The following PPP1R21 variants were observed in gnomAD, a reference collection of about 807,000 sequenced individuals.
PPP1R21 encodes protein phosphatase 1 regulatory subunit 21.
PPP1R21 carries 85 observed loss-of-function variants against 112.8 expected under a neutral mutation model. That is an observed-to-expected ratio of 0.75 (90% CI 0.63 to 0.90). The LOEUF is 0.90. Among genes scored for constraint, PPP1R21 ranks in the 40% least tolerant of loss-of-function variants. The probability of loss-of-function intolerance (pLI) is 0.00; values close to 1 mark genes in which losing one functional copy is unlikely to be tolerated. For synonymous variants in PPP1R21, 381 were observed against 322.3 expected, an observed-to-expected ratio of 1.18 and a Z score of -1.95; for missense variants, 1,199 against 901.5, an observed-to-expected ratio of 1.33 and a Z score of -4.23.
intron 3 of PPP1R21, among the ~76,000 whole-genome samples, chr2:48,456,229 A>G (rs889415509): frequency 1.3e-5 from 2 of 149,244 alleles, no homozygotes; most frequent in Non-Finnish European, 3.0e-5. Context: ...ACTTTTGAAC[A>G]TTGTGATTAA....
intron 16 of PPP1R21, among the ~76,000 whole-genome samples, chr2:48,497,607 A>T (rs1313608615): frequency 6.6e-6 from 1 of 152,044 alleles, no homozygotes; most frequent in African/African-American, 2.4e-5. Flanking sequence ...GTTTTAAATA[A>T]ATGGCAAAAC....
At chr2:48,460,764 A>T (rs1667942534) in intron 6 of PPP1R21, among the ~76,000 whole-genome samples, 2 of 152,206 alleles carry the variant, frequency 1.3e-5, no homozygotes, top group African/African-American at 2.4e-5. Flanking sequence ...GTATGTACTT[A>T]AAAAAAGTCT....
intron 1 of PPP1R21, among the ~76,000 whole-genome samples, chr2:48,449,047 T>C (rs1191939010): frequency 1.3e-5 from 2 of 151,606 alleles, no homozygotes; most frequent in Non-Finnish European, 2.9e-5. Flanking sequence ...AAGCAGGAAA[T>C]ACTAGTATTG....
chr2:48,459,071 G>C (rs138018039), intron 4 of PPP1R21, among the ~76,000 whole-genome samples: 2 of 135,798 alleles, frequency 1.5e-5, no homozygotes, highest in Admixed American at 1.6e-4. Flanking sequence ...TAGCCTGGGC[G>C]ACAGAGTGAG....
chr2:48,497,753 G>A (rs1283722333), intron 16 of PPP1R21, among the ~76,000 whole-genome samples: 7 of 150,616 alleles, frequency 4.6e-5, no homozygotes, highest in Non-Finnish European at 1.0e-4. Flanking sequence ...CTGGGTTCAC[G>A]CCATTCTCCT....
At chr2:48,514,349 G>A (rs1255050212) in intron 21 of PPP1R21, among the ~76,000 whole-genome samples, 1 of 152,152 alleles carries the variant, frequency 6.6e-6, no homozygotes, top group East Asian at 1.9e-4. Flanking sequence ...GCCTCCCAAA[G>A]TGCTGGGGTT....
chr2:48,474,286 G>A (rs1668647627), intron 11 of PPP1R21, among the ~76,000 whole-genome samples: 4 of 152,158 alleles, frequency 2.6e-5, no homozygotes, highest in Admixed American at 6.6e-5. Flanking sequence ...AGGAGGCTGA[G>A]GCACGAGAAT....
intron 20 of PPP1R21, 121 bp from the exon 21 acceptor site, chr2:48,511,219 A>G: frequency 1.0e-6 from 1 of 963,714 alleles, no homozygotes; most frequent in Non-Finnish European, 1.6e-6. Flanking sequence ...TTTGAAATAT[A>G]CAGTAAATTA....
intron 15 of PPP1R21, among the ~76,000 whole-genome samples, chr2:48,493,647 T>C (rs1434940338): frequency 1.3e-5 from 2 of 152,214 alleles, no homozygotes; most frequent in Non-Finnish European, 2.9e-5. Context: ...CCAGAATTTA[T>C]TCTGATATAA....
rs1668138416 is a variant in PPP1R21 at position 48,464,999 on chromosome 2, G to A, written c.747+10G>A. 1 of 1,555,482 alleles carries A rather than the reference G, an allele frequency of 6.4e-7. No individual in the cohort carries two copies. The highest frequency in any genetic ancestry group is 8.6e-7 in the Non-Finnish European group (1 of 1,160,226). On this transcript the variant is annotated intron_variant, in intron 8 of 21. Coordinates refer to ENST00000294952, the MANE Select transcript of PPP1R21 (RefSeq NM_001135629.3). ...CAATAGGAGACACCAGGTAAAGGAT[G>A]AAGTACATGTTTTTATTTTCAGTTA...
Position 48,498,577 on chromosome 2 carries a change from C to G in PPP1R21, c.1777C>G (p.Leu593Val). Residue 593 changes from leucine to valine, a missense_variant, in exon 17 of 22, where the codon CTA becomes GTA. By Grantham distance (32) the Leu-to-Val change is conservative. Coordinates refer to ENST00000294952, the MANE Select transcript of PPP1R21 (RefSeq NM_001135629.3). ...GGAAGCACAATTAGCCAAAATCAAG[C>G]TAGAGAAAGAAAACCAGCGAATTGC... ...MLEAQLAKIKLEKENQRIADK... is the reference protein window; with the variant it reads ...MLEAQLAKIKVEKENQRIADK... 1 of 1,614,166 alleles carries G rather than the reference C, an allele frequency of 6.2e-7. No homozygotes were observed. Among genetic ancestry groups the G allele is most frequent in the Non-Finnish European group, 8.5e-7 (1 of 1,180,018 alleles).
At chr2:48,508,655 G>T (rs1168595750) in intron 19 of PPP1R21, among the ~76,000 whole-genome samples, 1 of 152,206 alleles carries the variant, frequency 6.6e-6, no homozygotes, top group African/African-American at 2.4e-5. Context: ...TAGTGTCTCA[G>T]ACTTGATTGT....
rs1558540739 is a variant in PPP1R21, at chr2:48,515,238, C to CTCTCTCTCTCTCTCTCTCTT, written c.*503_*504insCTCTCTCTCTTTCTCTCTCT. On this transcript the variant is annotated 3_prime_UTR_variant, in exon 22 of 22. Coordinates refer to ENST00000294952, the MANE Select transcript of PPP1R21 (RefSeq NM_001135629.3). ...TATTTCTCTCTCTCTCTCTCTCTCT[C>CTCTCTCTCTCTCTCTCTCTT]TCTCTCTCTTCTTTCTCTCTGAGGG... 2 of 153,450 alleles carry CTCTCTCTCTCTCTCTCTCTT rather than the reference C, an allele frequency of 1.3e-5. No homozygotes were observed. The highest frequency in any genetic ancestry group is 4.8e-5 in the African/African-American group (2 of 41,344). 9.5% of individuals were successfully genotyped at this position (153,450 alleles called of 1,614,324 possible). A position where few individuals can be genotyped will look rare whatever the true frequency, so the allele number is the denominator to read the frequency against.
chr2:48,486,762 A>G lies in PPP1R21; in HGVS notation c.1446+4A>G, dbSNP rs1392045259. ...ATTAACAAATGGAGCAGGAAAGGTA[A>G]TTCTCTTCTGGCGTATATTGATGTT... On this transcript the variant is annotated splice_donor_region_variant and intron_variant, in intron 14 of 21. Transcript: ENST00000294952. 1.9e-6 allele frequency: 3 copies of G among 1,611,442 alleles called. No homozygotes were observed. The highest frequency in any genetic ancestry group is 1.1e-5 in the South Asian group (1 of 90,508).
chr2:48,461,162 T>G lies in PPP1R21; in HGVS notation c.624T>G (p.His208Gln), dbSNP rs1667959930. 1 of 1,580,600 alleles carries G rather than the reference T, an allele frequency of 6.3e-7. No individual in the cohort carries two copies. Among genetic ancestry groups the G allele is most frequent in the Non-Finnish European group, 8.5e-7 (1 of 1,170,314 alleles). ...GTCAATTACAGTTAAAGACTCTTCA[T>G]GAAGATTTGTCAGGTAGATTAGAGG... ...EECQLQLKTL[H>Q]EDLSGRLEES... The change falls in exon 7 of 22, where the codon CAT becomes CAG. Residue 208 changes from histidine to glutamine, a missense_variant. By Grantham distance (24) the His-to-Gln change is conservative. Coordinates refer to ENST00000294952, the MANE Select transcript of PPP1R21 (RefSeq NM_001135629.3).
chr2:48,488,005 A>C (rs545668464), intron 14 of PPP1R21, among the ~76,000 whole-genome samples: 11 of 152,166 alleles, frequency 7.2e-5, no homozygotes, highest in African/African-American at 2.7e-4. Flanking sequence ...TTTATATACT[A>C]TTCTGCTTCT....
In PPP1R21 at chr2:48,505,556, T is replaced by G; in HGVS notation, c.1936-8T>G. The G allele has an allele frequency of 6.5e-7, 1 of 1,546,874 alleles. No individual in the cohort carries two copies. The highest frequency in any genetic ancestry group is 2.4e-5 in the East Asian group (1 of 40,914). On this transcript the variant is annotated splice_polypyrimidine_tract_variant and splice_region_variant and intron_variant, in intron 17 of 21. Transcript: ENST00000294952. ...CTGTTCTAAAAGATTTTTCCCCTTA[T>G]GTTCTAGATTGGGACTTTAACCAGG... is the stretch of plus-strand genomic sequence containing the variant.
At chr2:48,474,934 A>G in intron 12 of PPP1R21, 115 bp downstream of exon 12, 2 of 881,690 alleles carry the variant, frequency 2.3e-6, no homozygotes, top group Non-Finnish European at 3.4e-6. Flanking sequence ...TGGCATCAGG[A>G]AAACTTGAAT....
At chr2:48,489,790 A>G (rs2103934305) in intron 14 of PPP1R21, among the ~76,000 whole-genome samples, 1 of 152,220 alleles carries the variant, frequency 6.6e-6, no homozygotes, top group African/African-American at 2.4e-5. Context: ...TCACGCCTGT[A>G]ATTCCAGCAC....
Sources: allele counts gnomAD v4.1 joint callset (sites outside exome capture counted in the v4.1 genomes callset), GRCh38; gene constraint gnomAD v4.1.1; transcripts MANE v1.5; gene names NCBI Gene and HGNC (gene_info 2026-07-23, HGNC 2026-07-21).